GALNT10: variants seen among roughly 807,000 people sequenced by gnomAD.
GALNT10 encodes the protein polypeptide N-acetylgalactosaminyltransferase 10, also known as GalNAc transferase 10.
Under a neutral mutation model 75.0 loss-of-function variants are expected in GALNT10, and 41 were observed. The ratio of observed to expected loss-of-function variants is 0.55; its 90% confidence interval spans 0.43 to 0.71. GALNT10 has a LOEUF of 0.71. GALNT10 is among the 30% of genes least tolerant of loss of function. The pLI is 0.00. For synonymous variants in GALNT10, 302 were observed against 313.0 expected (o/e 0.96, Z 0.37); for missense variants, 727 against 818.5 (o/e 0.89, Z 1.36).
chr5:154,386,563 T>G, intron 7 of GALNT10, 133 bp downstream of exon 7: 6 of 434,092 alleles, frequency 1.4e-5, no homozygotes, highest in East Asian at 5.7e-5. Flanking sequence ...GCCCATCAGG[T>G]GAAGAAGACA....
chr5:154,234,836 C>T (rs1020143776), intron 1 of GALNT10, among the ~76,000 whole-genome samples: 4 of 152,176 alleles, frequency 2.6e-5, no homozygotes, highest in Non-Finnish European at 5.9e-5. Context: ...GTTCCCCAGC[C>T]TGGGAGATGT....
intron 1 of GALNT10, among the ~76,000 whole-genome samples, chr5:154,271,192 A>G (rs913063181): frequency 1.3e-5 from 2 of 151,964 alleles, no homozygotes; most frequent in African/African-American, 4.8e-5. Context: ...AGGGTTTAAT[A>G]ATAGAGCCAA....
chr5:154,376,446 G>C lies in GALNT10; in HGVS notation c.738G>C (p.Trp246Cys). Residue 246 changes from tryptophan (W) to cysteine (C), a missense_variant, in exon 5 of 12, where the codon TGG becomes TGC. Coordinates refer to ENST00000297107, the MANE Select transcript of GALNT10 (RefSeq NM_198321.4). This position sits in a 1 kb window ranked among gnomAD's most constrained non-coding sequence, Gnocchi z 4.1. ...CACACTGTGAAGCCAATGTCAACTG[G>C]CTTCCCCCCTTGCTTGGTAAGGGAG... ...LDSHCEANVNWLPPLLDRIAR... is the reference protein window; with the variant it reads ...LDSHCEANVNCLPPLLDRIAR... 6.3e-7 allele frequency: 1 copy of C among 1,579,666 alleles called. No individual in the cohort carries two copies. Among genetic ancestry groups the C allele is most frequent in the Non-Finnish European group, 8.6e-7 (1 of 1,167,284 alleles).
chr5:154,363,595 T>G (rs1051049008), intron 4 of GALNT10, among the ~76,000 whole-genome samples: 1 of 151,588 alleles, frequency 6.6e-6, no homozygotes, highest in African/African-American at 2.4e-5. Flanking sequence ...TCAGGGCCTT[T>G]GCATTTGCTG....
chr5:154,416,518 C>G lies in GALNT10; in HGVS notation c.1654-296C>G, dbSNP rs1340710967. On this transcript the variant is annotated intron_variant, in intron 11 of 11. Transcript: ENST00000297107. The surrounding 1 kb of genome is among the most constrained non-coding windows in gnomAD (Gnocchi z 4.5). ...ACACACACACACACACACACACACA[C>G]GATAAGGACCAGTGAGGTCTGACAG... Among the ~76,000 whole-genome samples, 1 of 149,144 alleles carries G rather than the reference C, an allele frequency of 6.7e-6. No homozygotes were observed. The highest frequency in any genetic ancestry group is 1.5e-5 in the Non-Finnish European group (1 of 67,116).
intron 1 of GALNT10, among the ~76,000 whole-genome samples, chr5:154,265,649 C>T (rs115853745): frequency 6.6e-6 from 1 of 152,272 alleles, no homozygotes; most frequent in African/African-American, 2.4e-5. Context: ...AGGAGAAGAG[C>T]GAACAGCCTC....
At chr5:154,330,060 T>A (rs529157713) in intron 4 of GALNT10, 1 of 181,274 alleles carries the variant, frequency 5.5e-6, no homozygotes, top group East Asian at 1.4e-4. Context: ...AAATATTGCA[T>A]AACAAGAGAT....
intron 4 of GALNT10, among the ~76,000 whole-genome samples, chr5:154,365,343 G>T (rs1422946261): frequency 6.6e-6 from 1 of 152,132 alleles, no homozygotes; most frequent in Non-Finnish European, 1.5e-5. Context: ...AAATATTTGG[G>T]GAAGGTGTAC....
At chr5:154,285,116 AGT>A (rs2113060376) in intron 1 of GALNT10, among the ~76,000 whole-genome samples, 1 of 152,284 alleles carries the variant, frequency 6.6e-6, no homozygotes, top group African/African-American at 2.4e-5. Flanking sequence ...CTTTGGTTGA[AGT>A]AATCACAGTG....
intron 4 of GALNT10, among the ~76,000 whole-genome samples, chr5:154,345,756 CT>C (rs1755111950): frequency 6.6e-6 from 1 of 150,984 alleles, no homozygotes; most frequent in African/African-American, 2.4e-5. Flanking sequence ...CCACCTCAGC[CT>C]CCTGAGTAGC....
chr5:154,281,430 C>T (rs1194881500), intron 1 of GALNT10, among the ~76,000 whole-genome samples: 1 of 152,176 alleles, frequency 6.6e-6, no homozygotes, highest in Admixed American at 6.5e-5. Context: ...CTCATCAGCT[C>T]TACTAGCTTT....
chr5:154,219,834 TCTCTCACA>T (rs1253009233), intron 1 of GALNT10, among the ~76,000 whole-genome samples: 59 of 129,714 alleles, frequency 4.5e-4, no homozygotes, highest in East Asian at 1.9e-3. Context: ...TCTCTCTCTC[TCTCTCACA>T]CACACACACA....
At chr5:154,367,935 G>T (rs1755502593) in intron 4 of GALNT10, among the ~76,000 whole-genome samples, 1 of 152,012 alleles carries the variant, frequency 6.6e-6, no homozygotes. Flanking sequence ...ATTCTAGCAG[G>T]AAACATGGGA....
intron 1 of GALNT10, among the ~76,000 whole-genome samples, chr5:154,204,819 C>T (rs1561627812): frequency 6.6e-6 from 1 of 152,264 alleles, no homozygotes; most frequent in South Asian, 2.1e-4. Context: ...CAACTTAGCA[C>T]TGTCTGGAGT....
intron 3 of GALNT10, among the ~76,000 whole-genome samples, chr5:154,304,723 A>G (rs1754406054): frequency 6.6e-6 from 1 of 152,244 alleles, no homozygotes; most frequent in South Asian, 2.1e-4. Context: ...CAAGAATAAT[A>G]ACATTACTGG....
At chr5:154,200,508 G>T (rs570435951) in intron 1 of GALNT10, among the ~76,000 whole-genome samples, 2 of 152,236 alleles carry the variant, frequency 1.3e-5, no homozygotes, top group East Asian at 3.9e-4. Context: ...ACTGAAAACT[G>T]TTATTTTTTG....
chr5:154,363,107 C>T (rs1013730516), intron 4 of GALNT10, among the ~76,000 whole-genome samples: 1 of 152,088 alleles, frequency 6.6e-6, no homozygotes, highest in African/African-American at 2.4e-5. Flanking sequence ...GCTACATGTA[C>T]TGTTATAGAA....
At chr5:154,292,301 G>A (rs76856123) in intron 1 of GALNT10, among the ~76,000 whole-genome samples, 10,884 of 152,238 alleles carry the variant, frequency 0.071, 515 homozygotes, top group Non-Finnish European at 0.1. Flanking sequence ...TGCTTCTAGA[G>A]GTCTAGGGTA....
intron 1 of GALNT10, among the ~76,000 whole-genome samples, chr5:154,227,384 C>T (rs1006567864): frequency 2.6e-5 from 4 of 152,014 alleles, no homozygotes; most frequent in African/African-American, 9.7e-5. Flanking sequence ...TGGTTTTAAT[C>T]TTAATGTGTT....
Sources: gnomAD v4.1 joint callset for allele counts (sites outside exome capture counted in the v4.1 genomes callset) on GRCh38, gnomAD v4.1.1 for gene constraint, Gnocchi (gnomAD v3.1) non-coding constraint, MANE v1.5 for transcripts, NCBI Gene and HGNC (gene_info 2026-07-23, HGNC 2026-07-21) for gene names.